GTF2H5: variants seen among roughly 807,000 people sequenced by gnomAD.
GTF2H5 encodes general transcription factor IIH subunit 5.
A neutral mutation model predicts 7.1 loss-of-function variants in GTF2H5; 5 were observed. The ratio of observed to expected loss-of-function variants is 0.71; its 90% CI spans 0.37 to 1.49. The LOEUF (loss-of-function observed/expected upper bound fraction) is 1.49. Ranked by LOEUF, GTF2H5 falls within the 40% of genes most tolerant of loss-of-function variation. The pLI is 0.03. For synonymous variants in GTF2H5, 30 were observed against 31.7 expected (o/e 0.95, Z 0.18); for missense variants, 80 against 83.0 (o/e 0.96, Z 0.14).
At position 158,192,978 on chromosome 6, in the gene GTF2H5, T is replaced by A. The variant is rs1201645280; in HGVS notation, c.*821T>A. The A allele has an allele frequency of 6.8e-6, 1 of 146,996 alleles. No homozygotes were observed. The highest frequency in any genetic ancestry group is 1.5e-5 in the Non-Finnish European group (1 of 67,042). The allele number at this position is 146,996 out of a possible 1,614,324, so 9.1% of individuals were successfully genotyped here. A position where few individuals can be genotyped will look rare whatever the true frequency, so the allele number is the denominator to read the frequency against. ...TATGAGAATACTTATCAAACTTATC[T>A]AAAAAAGAAAAATAGGAACAGCCAT... On this transcript the variant is annotated 3_prime_UTR_variant, in exon 3 of 3. Coordinates refer to ENST00000607778, the MANE Select transcript of GTF2H5 (RefSeq NM_207118.3).
Position 158,194,585 on chromosome 6 carries a change from A to C in GTF2H5, c.*2428A>C, listed in dbSNP as rs1288354412. The C allele has an allele frequency of 1.3e-5, 2 of 152,228 alleles. No individual in the cohort carries two copies. Among genetic ancestry groups the C allele is most frequent in the East Asian group, 1.9e-4 (1 of 5,204 alleles). 9.4% of individuals were successfully genotyped at this position (152,228 alleles called of 1,614,324 possible). A position where few individuals can be genotyped will look rare whatever the true frequency, so the allele number is the denominator to read the frequency against. ...TTGAGCGAAATCCTGGGAACTTCGTACATTGCTTGCTTCAGTACCTTATGA... is the reference window on the plus strand; with the variant it reads ...TTGAGCGAAATCCTGGGAACTTCGTCCATTGCTTGCTTCAGTACCTTATGA... On this transcript the variant is annotated 3_prime_UTR_variant, in exon 3 of 3. Transcript: ENST00000607778.
At chr6:158,181,315 T>C (rs1786007529) in intron 2 of GTF2H5, among the ~76,000 whole-genome samples, 1 of 152,176 alleles carries the variant, frequency 6.6e-6, no homozygotes, top group Non-Finnish European at 1.5e-5. Context: ...TTAGAATAAG[T>C]GTGATGGGAT....
intron 2 of GTF2H5, among the ~76,000 whole-genome samples, chr6:158,184,784 A>T (rs896412080): frequency 6.6e-6 from 1 of 152,232 alleles, no homozygotes; most frequent in Non-Finnish European, 1.5e-5. Flanking sequence ...GATTGTTCTG[A>T]TGGATTGTCA....
At chr6:158,169,282 A>ATATATATT (rs1228496644) in intron 1 of GTF2H5, among the ~76,000 whole-genome samples, 23 of 127,726 alleles carry the variant, frequency 1.8e-4, no homozygotes, top group Non-Finnish European at 2.8e-4. Flanking sequence ...TTTATATATA[A>ATATATATT]TATATATTTA....
rs572933929 is a variant in GTF2H5, at chr6:158,196,395, C to A, written c.*4238C>A. 8 of 152,308 alleles carry A rather than the reference C, an allele frequency of 5.3e-5. No homozygotes were observed. The highest frequency in any genetic ancestry group is 3.3e-4 in the Admixed American group (5 of 15,300). The allele number at this position is 152,308 out of a possible 1,614,324, so 9.4% of individuals were successfully genotyped here. A position where few individuals can be genotyped will look rare whatever the true frequency, so the allele number is the denominator to read the frequency against. ...CTCAGATGTTTCGTTGATTGGATTT[C>A]TTTGTGCTCATTTGTGTAAACAGGA... On this transcript the variant is annotated 3_prime_UTR_variant, in exon 3 of 3. Transcript: ENST00000607778.
In GTF2H5 at chr6:158,169,409, T is replaced by TTA. The variant is rs1268730289; in HGVS notation, c.-35+1020_-35+1021dup. 9.2e-3 allele frequency among the ~76,000 whole-genome samples: 694 copies of TTA among 75,786 alleles called. 30 individuals are homozygous for TTA. The highest frequency in any genetic ancestry group is 0.04 in the Admixed American group (144 of 3,590). The allele number at this position is 75,786 out of a possible 152,430, so 49.7% of individuals were successfully genotyped here. A position where few individuals can be genotyped will look rare whatever the true frequency, so the allele number is the denominator to read the frequency against. On this transcript the variant is annotated intron_variant, in intron 1 of 2. Coordinates refer to ENST00000607778, the MANE Select transcript of GTF2H5 (RefSeq NM_207118.3). ...ATTATATATAATATTATATTGTATA[T>TTA]TATATATTATATATAATATATTGTA...
At chr6:158,169,196 T>C (rs1785700198) in intron 1 of GTF2H5, among the ~76,000 whole-genome samples, 1 of 146,422 alleles carries the variant, frequency 6.8e-6, no homozygotes, top group Admixed American at 7.1e-5. Context: ...ATCACGACAC[T>C]GCGCTCCAGC....
At chr6:158,169,700 ATATATTG>A (rs1358300339) in intron 1 of GTF2H5, among the ~76,000 whole-genome samples, 1 of 81,934 alleles carries the variant, frequency 1.2e-5, no homozygotes, top group Non-Finnish European at 2.1e-5. Flanking sequence ...ATATTATATA[ATATATTG>A]TATATTATAT....
intron 1 of GTF2H5, among the ~76,000 whole-genome samples, chr6:158,169,462 T>TTATATTGTATATTATATATAA (rs1195944204): frequency 2.9e-5 from 2 of 69,880 alleles, no homozygotes; most frequent in African/African-American, 1.8e-4. Context: ...ATTATATATA[T>TTATATTGTATATTATATATAA]TATATTGTAT....
intron 2 of GTF2H5, among the ~76,000 whole-genome samples, chr6:158,180,238 G>T (rs1413650960): frequency 6.6e-6 from 1 of 152,158 alleles, no homozygotes; most frequent in Non-Finnish European, 1.5e-5. Flanking sequence ...GATCGTGGTG[G>T]ATAAGCTTTT....
In GTF2H5 at chr6:158,169,641, A is replaced by G. The variant is rs1302305004; in HGVS notation, c.-34-829A>G. Among the ~76,000 whole-genome samples the G allele has an allele frequency of 2.1e-3, 150 of 71,826 alleles. 13 individuals are homozygous for G. The highest frequency in any genetic ancestry group is 2.7e-3 in the Non-Finnish European group (122 of 45,280). 47.1% of individuals were successfully genotyped at this position (71,826 alleles called of 152,430 possible). A position where few individuals can be genotyped will look rare whatever the true frequency, so the allele number is the denominator to read the frequency against. ...ACATATAATATATTGTATATTACAT[A>G]TATTGTATATTACATATAATATATT... On this transcript the variant is annotated intron_variant, in intron 1 of 2. Coordinates refer to ENST00000607778, the MANE Select transcript of GTF2H5 (RefSeq NM_207118.3).
chr6:158,178,507 C>T (rs2128430032), intron 2 of GTF2H5, among the ~76,000 whole-genome samples: 1 of 150,152 alleles, frequency 6.7e-6, no homozygotes, highest in East Asian at 2.0e-4. Context: ...ACCTCTCCAG[C>T]ATCTGTTGTT....
Position 158,169,752 on chromosome 6 carries a change from A to AATATATTGTATATTATATATAATATATTG in GTF2H5, c.-34-718_-34-717insATATATTGTATATTATATATAATATATTG, listed in dbSNP as rs1562469436. 1.2e-3 allele frequency among the ~76,000 whole-genome samples: 79 copies of AATATATTGTATATTATATATAATATATTG among 66,380 alleles called. 4 individuals are homozygous for AATATATTGTATATTATATATAATATATTG. Among genetic ancestry groups the AATATATTGTATATTATATATAATATATTG allele is most frequent in the African/African-American group, 5.4e-3 (77 of 14,268 alleles). The allele number at this position is 66,380 out of a possible 152,430, so 43.5% of individuals were successfully genotyped here. On this transcript the variant is annotated intron_variant, in intron 1 of 2. Transcript: ENST00000607778. ...TATATTGTATATTATATATTATATA[A>AATATATTGTATATTATATATAATATATTG]TATATTGTATATTATATATAATATA... is the stretch of plus-strand genomic sequence containing the variant.
At chr6:158,182,719 G>C (rs969813112) in intron 2 of GTF2H5, among the ~76,000 whole-genome samples, 5 of 151,826 alleles carry the variant, frequency 3.3e-5, no homozygotes, top group African/African-American at 4.8e-5. Context: ...GTGGTTTTCA[G>C]CACCATCAGG....
chr6:158,182,327 C>T (rs1032098982), intron 2 of GTF2H5, among the ~76,000 whole-genome samples: 1 of 152,158 alleles, frequency 6.6e-6, no homozygotes, highest in African/African-American at 2.4e-5. Flanking sequence ...TCATTTCAAC[C>T]TTGGTGAATC....
chr6:158,183,461 T>G (rs6456061), intron 2 of GTF2H5, among the ~76,000 whole-genome samples: 5,380 of 152,332 alleles, frequency 0.035, 305 homozygotes, highest in African/African-American at 0.12. Flanking sequence ...GTGTGCTGCC[T>G]TTTGTTCAGA....
intron 2 of GTF2H5, among the ~76,000 whole-genome samples, chr6:158,186,505 C>T (rs1265723726): frequency 6.6e-6 from 1 of 152,150 alleles, no homozygotes; most frequent in Non-Finnish European, 1.5e-5. Flanking sequence ...ACATTTGGAT[C>T]CAAAGTTTAT....
chr6:158,194,183 A>C lies in GTF2H5; in HGVS notation c.*2026A>C, dbSNP rs1777071333. The C allele has an allele frequency of 6.6e-6, 1 of 152,160 alleles. No homozygotes were observed. The highest frequency in any genetic ancestry group is 2.4e-5 in the African/African-American group (1 of 41,434). The allele number at this position is 152,160 out of a possible 1,614,324, so 9.4% of individuals were successfully genotyped here. On this transcript the variant is annotated 3_prime_UTR_variant, in exon 3 of 3. Transcript: ENST00000607778. ...AAGGTATTAGGATTTTTGCCACTGA[A>C]GTAAAAAAGAGAAAAAAAGATATTT...
intron 2 of GTF2H5, among the ~76,000 whole-genome samples, chr6:158,175,028 G>GTGTGTGTGTGTGTGTGTGTATA (rs1363515017): frequency 7.1e-6 from 1 of 140,562 alleles, no homozygotes; most frequent in African/African-American, 2.9e-5. Flanking sequence ...GTGTGTGTGT[G>GTGTGTGTGTGTGTGTGTGTATA]TGTGTGTGTG....
Sources: allele counts gnomAD v4.1 joint callset (sites outside exome capture counted in the v4.1 genomes callset), GRCh38; gene constraint gnomAD v4.1.1; transcripts MANE v1.5; gene names NCBI Gene and HGNC (gene_info 2026-07-23, HGNC 2026-07-21).